The following TLN2 variants were observed in gnomAD, a reference collection of about 807,000 sequenced individuals.
TLN2 encodes the protein talin-2.
TLN2 carries 118 observed loss-of-function variants against 294.7 expected under a neutral mutation model. The ratio of observed to expected loss-of-function variants is 0.40; its 90% CI spans 0.34 to 0.47. TLN2 has a LOEUF of 0.47. TLN2 is among the 20% of genes least tolerant of loss of function. The probability of loss-of-function intolerance (pLI) is 0.84; values close to 1 mark genes in which losing one functional copy is unlikely to be tolerated. For synonymous variants in TLN2, 1,431 were observed against 1,304.5 expected (o/e 1.10, Z -2.09); for missense variants, 3,083 against 3,282.2 (o/e 0.94, Z 1.48).
chr15:62,661,092 A>C, intron 9 of TLN2, among the ~76,000 whole-genome samples: 1 of 152,196 alleles, frequency 6.6e-6, no homozygotes, highest in East Asian at 1.9e-4. Flanking sequence ...CCACAACAAA[A>C]CATAATAATG....
intron 45 of TLN2, among the ~76,000 whole-genome samples, chr15:62,790,882 T>G (rs1010065738): frequency 2.4e-4 from 36 of 152,250 alleles, no homozygotes; most frequent in African/African-American, 7.7e-4. Flanking sequence ...AGTCCAGATC[T>G]GTTTGCAGAG....
intron 21 of TLN2, among the ~76,000 whole-genome samples, chr15:62,710,720 CTTTTTTTTTTTT>C (rs71287048): frequency 2.6e-5 from 2 of 77,046 alleles, no homozygotes; most frequent in African/African-American, 9.3e-5. Context: ...TGCTGATGTC[CTTTTTTTTTTTT>C]TTTTTTTTTT....
chr15:62,620,788 T>A (rs936189775), intron 3 of TLN2, among the ~76,000 whole-genome samples: 2 of 151,198 alleles, frequency 1.3e-5, no homozygotes, highest in Non-Finnish European at 2.9e-5. Context: ...AGCCCCAAAG[T>A]GAATTTTCAG....
chr15:62,722,204 A>T, intron 25 of TLN2, 149 bp from the exon 26 acceptor site: 1 of 857,490 alleles, frequency 1.2e-6, no homozygotes, highest in Non-Finnish European at 1.7e-6. Context: ...TTGAGGTGGC[A>T]GTTTGGGAAT....
At chr15:62,434,778 A>G (rs966233977) in intron 1 of TLN2, among the ~76,000 whole-genome samples, 39 of 152,220 alleles carry the variant, frequency 2.6e-4, no homozygotes, top group African/African-American at 9.2e-4. Context: ...TTTTCCTTCA[A>G]CTTTTAAGTT....
chr15:62,832,112 T>TTTTG (rs1256455916), intron 54 of TLN2: 28 of 151,316 alleles, frequency 1.9e-4, no homozygotes, highest in African/African-American at 5.6e-4. Context: ...TACGATCTTT[T>TTTTG]TTTTTTTTTT....
intron 1 of TLN2, among the ~76,000 whole-genome samples, chr15:62,442,062 A>G (rs2035573756): frequency 6.6e-6 from 1 of 152,134 alleles, no homozygotes; most frequent in Non-Finnish European, 1.5e-5. Flanking sequence ...GAACCTAAGG[A>G]TGGGGTCATG....
At chr15:62,794,120 G>T (rs906237273) in intron 46 of TLN2, among the ~76,000 whole-genome samples, 1 of 152,152 alleles carries the variant, frequency 6.6e-6, no homozygotes, top group Admixed American at 6.5e-5. Context: ...GGAGGAGAGG[G>T]GTCCGAGCTA....
At chr15:62,827,071 A>AAAGTAAGTT (rs1232561684) in intron 54 of TLN2, among the ~76,000 whole-genome samples, 2 of 33,424 alleles carry the variant, frequency 6.0e-5, no homozygotes, top group African/African-American at 8.1e-5. Flanking sequence ...GCATTCCCTC[A>AAAGTAAGTT]AAGTAAGTTT....
intron 52 of TLN2, among the ~76,000 whole-genome samples, chr15:62,815,542 G>A (rs1467990402): frequency 6.6e-6 from 1 of 152,148 alleles, no homozygotes; most frequent in Non-Finnish European, 1.5e-5. Context: ...ATAAGTTGAG[G>A]TCATTTTCAG....
At chr15:62,837,402 A>G (rs2069828418) in intron 57 of TLN2, among the ~76,000 whole-genome samples, 1 of 152,206 alleles carries the variant, frequency 6.6e-6, no homozygotes, top group South Asian at 2.1e-4. Flanking sequence ...TCTTATATAA[A>G]TCACTCAAAA....
At chr15:62,829,500 C>T (rs1285627651) in intron 54 of TLN2, 1 of 121,898 alleles carries the variant, frequency 8.2e-6, no homozygotes, top group Non-Finnish European at 1.5e-5. Context: ...CCAGGTCCCT[C>T]CCATGACATG....
Position 62,820,753 on chromosome 15 carries a change from C to T in TLN2, c.7002+143C>T, listed in dbSNP as rs144985672. 1.0e-4 allele frequency: 112 copies of T among 1,118,354 alleles called. 1 individual carries two copies. The African/African-American group carries it at 1.2e-3, about 12-fold the overall frequency. 69.3% of individuals were successfully genotyped at this position (1,118,354 alleles called of 1,614,324 possible). A position where few individuals can be genotyped will look rare whatever the true frequency, so the allele number is the denominator to read the frequency against. On this transcript the variant is annotated intron_variant, in intron 54 of 58. Transcript: ENST00000636159. ...AAGCAGAAAACCGGATCTACCTGCC[C>T]GGCACTGCTTTAGAGTATGGGGGTA...
intron 1 of TLN2, among the ~76,000 whole-genome samples, chr15:62,421,940 A>G (rs2034426483): frequency 6.6e-6 from 1 of 152,074 alleles, no homozygotes; most frequent in Non-Finnish European, 1.5e-5. Context: ...ATTGGATAAG[A>G]TTTTAGGGAA....
intron 1 of TLN2, among the ~76,000 whole-genome samples, chr15:62,572,638 C>T (rs2043982186): frequency 6.6e-6 from 1 of 152,342 alleles, no homozygotes. Flanking sequence ...TAAAAATGTA[C>T]TAATGCTCAA....
At chr15:62,433,218 C>T (rs1595791793) in intron 1 of TLN2, among the ~76,000 whole-genome samples, 1 of 152,136 alleles carries the variant, frequency 6.6e-6, no homozygotes, top group Admixed American at 6.5e-5. Flanking sequence ...GAGGCTCTCA[C>T]CTATACCTGT....
At chr15:62,837,872 G>A (rs1305423568) in intron 57 of TLN2, among the ~76,000 whole-genome samples, 1 of 152,198 alleles carries the variant, frequency 6.6e-6, no homozygotes, top group African/African-American at 2.4e-5. Context: ...AGTTAACTTT[G>A]AATGAGAAGA....
intron 3 of TLN2, among the ~76,000 whole-genome samples, chr15:62,635,454 G>A (rs986754338): frequency 2.6e-5 from 4 of 152,040 alleles, no homozygotes; most frequent in African/African-American, 9.7e-5. Flanking sequence ...ATACTGTGGG[G>A]GAATATTATG....
intron 9 of TLN2, among the ~76,000 whole-genome samples, chr15:62,665,999 T>C (rs982885876): frequency 3.9e-5 from 6 of 152,202 alleles, no homozygotes; most frequent in African/African-American, 2.4e-5. Flanking sequence ...GTAGTGACCA[T>C]TCAATAGTGT....
Sources: allele counts gnomAD v4.1 joint callset (sites outside exome capture counted in the v4.1 genomes callset), GRCh38; gene constraint gnomAD v4.1.1; transcripts MANE v1.5; gene names NCBI Gene and HGNC (gene_info 2026-07-23, HGNC 2026-07-21).